The following UGGT2 variants were observed in gnomAD, a reference collection of about 807,000 sequenced individuals.
UGGT2 encodes the protein UDP-glucose glycoprotein glucosyltransferase 2.
In UGGT2, 180 loss-of-function variants were observed where a neutral mutation model predicts 192.1. The observed-to-expected ratio is 0.94, with a 90% CI of 0.83 to 1.06. The LOEUF (loss-of-function observed/expected upper bound fraction) is 1.06, where lower values mean the gene tolerates loss of function less well. UGGT2 is among the 50% of genes least tolerant of loss of function. The pLI, the probability that UGGT2 is intolerant of heterozygous loss-of-function variation, is 0.00. For missense variants in UGGT2, 1,849 were observed against 1,795.7 expected (o/e 1.03, Z -0.54); for synonymous variants, 580 against 591.0 (o/e 0.98, Z 0.27).
At chr13:95,989,057 A>G (rs1477222556) in intron 8 of UGGT2, among the ~76,000 whole-genome samples, 1 of 152,136 alleles carries the variant, frequency 6.6e-6, no homozygotes, top group African/African-American at 2.4e-5. Context: ...TTGGGAAATG[A>G]GGAGTGACTG....
rs1448920343 is a variant in UGGT2, at chr13:95,946,637, C to T, written c.1677+400G>A. Among the ~76,000 whole-genome samples, 4 of 152,144 alleles carry T rather than the reference C, an allele frequency of 2.6e-5. No homozygotes were observed. The South Asian group carries it at 6.2e-4, about 24-fold the overall frequency. On this transcript the variant is annotated intron_variant, in intron 15 of 38. Transcript: ENST00000376747. ...CCTCCTGCCTTGGCCTCCTAAAATGCTGGGATTATAGGCATGAGCCACTGT... is the reference window on the plus strand; with the variant it reads ...CCTCCTGCCTTGGCCTCCTAAAATGTTGGGATTATAGGCATGAGCCACTGT...
At chr13:95,903,157 T>C (rs2048161887) in intron 20 of UGGT2, 97 bp from the exon 21 acceptor site, 2 of 1,182,806 alleles carry the variant, frequency 1.7e-6, no homozygotes, top group Non-Finnish European at 2.3e-6. Flanking sequence ...CACTGTATCA[T>C]GCACCATCTT....
rs2048148823 is a variant in UGGT2, at chr13:95,902,850, T to C, written c.2502+4A>G. ...CATATTTAATATTTCAAATAGCTAC[T>C]GACCTCAATAAGGAATGTTTTAATT... On this transcript the variant is annotated splice_donor_region_variant and intron_variant, in intron 21 of 38. Coordinates refer to ENST00000376747, the MANE Select transcript of UGGT2 (RefSeq NM_020121.4). 1 of 1,610,708 alleles carries C rather than the reference T, an allele frequency of 6.2e-7. No individual in the cohort carries two copies. The highest frequency in any genetic ancestry group is 8.5e-7 in the Non-Finnish European group (1 of 1,178,300).
At position 96,034,823 on chromosome 13, in the gene UGGT2, G is replaced by A. The variant is rs189259295; in HGVS notation, c.159-2852C>T. Among the ~76,000 whole-genome samples the A allele has an allele frequency of 3.3e-4, 51 of 152,318 alleles. No individual in the cohort carries two copies. In the East Asian group the frequency reaches 7.5e-3, roughly 22 times the overall value. On this transcript the variant is annotated intron_variant, in intron 1 of 38. Transcript: ENST00000376747. ...GCACTCCTGGCTGTGCGCAGTGGCC[G>A]GACCCTGTGCTTGCTCACACACTCA...
chr13:96,024,317 T>C (rs1164036538), intron 2 of UGGT2, among the ~76,000 whole-genome samples: 1 of 152,080 alleles, frequency 6.6e-6, no homozygotes, highest in Non-Finnish European at 1.5e-5. Context: ...ATAAACCCTA[T>C]TCAAAGAACT....
chr13:95,945,091 GC>G (rs2049820630), intron 15 of UGGT2, among the ~76,000 whole-genome samples: 2 of 151,868 alleles, frequency 1.3e-5, no homozygotes, highest in South Asian at 2.1e-4. Flanking sequence ...TATCTTTTCT[GC>G]TAGTATGCTA....
At chr13:95,962,812 C>T (rs61972934) in intron 12 of UGGT2, among the ~76,000 whole-genome samples, 9 of 152,084 alleles carry the variant, frequency 5.9e-5, no homozygotes, top group South Asian at 2.1e-4. Flanking sequence ...AAGGCATACC[C>T]GAGACCGGGT....
rs562602523 is a variant in UGGT2, at chr13:96,026,828, C to T, written c.242-3069G>A. Among the ~76,000 whole-genome samples, 363 of 152,052 alleles carry T rather than the reference C, an allele frequency of 2.4e-3. 1 individual carries two copies. Among genetic ancestry groups the T allele is most frequent in the Middle Eastern group, 0.01 (3 of 294 alleles). ...CTGGGACTACAGGCGCCCTCCACCG[C>T]GCCCGGCTAATTTTTTGTATTTTTA... On this transcript the variant is annotated intron_variant, in intron 2 of 38. Coordinates refer to ENST00000376747, the MANE Select transcript of UGGT2 (RefSeq NM_020121.4).
rs374613463 is a variant in UGGT2, at chr13:95,955,727, CA to C, written c.1336-6274del. Among the ~76,000 whole-genome samples, 15 of 152,238 alleles carry C rather than the reference CA, an allele frequency of 9.9e-5. No individual in the cohort carries two copies. In the East Asian group the frequency reaches 2.9e-3, roughly 29 times the overall value. ...CAAGCCTCCCTAAGTTTTCAGTTTT[CA>C]AAGCGCTCAAACAGGGCTGCTGCAT... On this transcript the variant is annotated intron_variant, in intron 12 of 38. Transcript: ENST00000376747.
At chr13:95,932,357 C>T (rs982753159) in intron 17 of UGGT2, among the ~76,000 whole-genome samples, 4 of 100,710 alleles carry the variant, frequency 4.0e-5, no homozygotes, top group Non-Finnish European at 8.4e-5. Flanking sequence ...GTGTGTATGG[C>T]TATTGTAAAT....
At chr13:95,875,846 C>T (rs1185473943) in intron 29 of UGGT2, among the ~76,000 whole-genome samples, 3 of 151,536 alleles carry the variant, frequency 2.0e-5, no homozygotes, top group Middle Eastern at 3.3e-3. Context: ...ATACAGTAAC[C>T]CCTACTCCTA....
intron 10 of UGGT2, among the ~76,000 whole-genome samples, chr13:95,982,249 C>A (rs1156323258): frequency 1.3e-5 from 2 of 152,146 alleles, no homozygotes; most frequent in African/African-American, 2.4e-5. Flanking sequence ...AAGCCGCCCC[C>A]AAATCATTTT....
intron 36 of UGGT2, among the ~76,000 whole-genome samples, chr13:95,841,770 G>A (rs1169223853): frequency 4.6e-5 from 7 of 152,154 alleles, no homozygotes; most frequent in Non-Finnish European, 8.8e-5. Context: ...CTAATCCAAA[G>A]TCACAAAGAT....
chr13:95,904,264 A>G (rs996764876), intron 20 of UGGT2, among the ~76,000 whole-genome samples: 3 of 151,518 alleles, frequency 2.0e-5, no homozygotes, highest in Admixed American at 6.6e-5. Context: ...ACCTTTCTCT[A>G]CTCTAAAGTA....
intron 15 of UGGT2, among the ~76,000 whole-genome samples, chr13:95,943,791 T>C (rs189793236): frequency 2.0e-5 from 3 of 152,142 alleles, no homozygotes; most frequent in South Asian, 2.1e-4. Context: ...ACTTATCTTA[T>C]TGCATTGACT....
At chr13:95,840,395 C>T (rs895046758) in intron 36 of UGGT2, among the ~76,000 whole-genome samples, 26 of 152,096 alleles carry the variant, frequency 1.7e-4, no homozygotes, top group Admixed American at 2.6e-4. Flanking sequence ...TATGAACAGA[C>T]GCTTCTCAAA....
chr13:95,816,325 A>G (rs1884881821), intron 38 of UGGT2, among the ~76,000 whole-genome samples: 1 of 152,206 alleles, frequency 6.6e-6, no homozygotes, highest in African/African-American at 2.4e-5. Flanking sequence ...ATATGTTGTT[A>G]GTTAGAATGT....
chr13:95,967,295 G>A (rs1219246125), intron 12 of UGGT2, among the ~76,000 whole-genome samples: 1 of 151,716 alleles, frequency 6.6e-6, no homozygotes, highest in Non-Finnish European at 1.5e-5. Flanking sequence ...TGGGACTACA[G>A]GCACGTACCA....
At chr13:95,840,507 T>C (rs1002115724) in intron 36 of UGGT2, among the ~76,000 whole-genome samples, 1 of 152,146 alleles carries the variant, frequency 6.6e-6, no homozygotes, top group African/African-American at 2.4e-5. Flanking sequence ...TTTGATACCA[T>C]CTCATGCCAG....
Sources: allele counts gnomAD v4.1 joint callset (sites outside exome capture counted in the v4.1 genomes callset), GRCh38; gene constraint gnomAD v4.1.1; transcripts MANE v1.5; gene names NCBI Gene and HGNC (gene_info 2026-07-23, HGNC 2026-07-21).